Variants in RAP1A observed in about 807,000 individuals in gnomAD.
RAP1A encodes the protein ras-related protein Rap-1A.
A neutral mutation model predicts 26.4 loss-of-function variants in RAP1A; 6 were observed. The observed-to-expected ratio is 0.23, with a 90% confidence interval of 0.12 to 0.45. The LOEUF (loss-of-function observed/expected upper bound fraction) is 0.45. RAP1A is among the 20% of genes least tolerant of loss of function. RAP1A has a pLI of 0.99. For synonymous variants in RAP1A, 73 were observed against 79.4 expected (o/e 0.92, Z 0.43); for missense variants, 121 against 217.2 (o/e 0.56, Z 2.78).
intron 1 of RAP1A, among the ~76,000 whole-genome samples, chr1:111,612,213 C>T (rs1557865288): frequency 6.6e-6 from 1 of 152,140 alleles, no homozygotes; most frequent in African/African-American, 2.4e-5. Context: ...GGCCTTCTGC[C>T]TACACTGGGC....
At chr1:111,593,652 C>CTTTTTTTTTTT (rs994763442) in intron 1 of RAP1A, among the ~76,000 whole-genome samples, 4 of 65,406 alleles carry the variant, frequency 6.1e-5, no homozygotes, top group African/African-American at 1.9e-4. Context: ...ATGACTCCTA[C>CTTTTTTTTTTT]TTTTTTTTTT....
At chr1:111,567,783 T>C (rs1657955610) in intron 1 of RAP1A, among the ~76,000 whole-genome samples, 1 of 152,190 alleles carries the variant, frequency 6.6e-6, no homozygotes, top group Non-Finnish European at 1.5e-5. Context: ...TGCCAGAACA[T>C]ACTGACAAAG....
chr1:111,602,619 A>G (rs1329175448), intron 1 of RAP1A, among the ~76,000 whole-genome samples: 1 of 152,194 alleles, frequency 6.6e-6, no homozygotes, highest in East Asian at 1.9e-4. Flanking sequence ...ACAAACATCT[A>G]CTGCTCTAAC....
intron 1 of RAP1A, among the ~76,000 whole-genome samples, chr1:111,581,087 G>A (rs920053802): frequency 9.6e-6 from 1 of 104,280 alleles, no homozygotes; most frequent in African/African-American, 2.7e-5. Flanking sequence ...AGCTTTGCCT[G>A]GGCCCTTTAT....
intron 1 of RAP1A, among the ~76,000 whole-genome samples, chr1:111,674,375 C>A (rs1193824006): frequency 6.6e-6 from 1 of 151,852 alleles, no homozygotes; most frequent in Non-Finnish European, 1.5e-5. Flanking sequence ...CCTCACTCTA[C>A]CTTTTCAAAA....
chr1:111,602,005 G>A (rs1247059740), intron 1 of RAP1A, among the ~76,000 whole-genome samples: 2 of 152,156 alleles, frequency 1.3e-5, no homozygotes, highest in Non-Finnish European at 2.9e-5. Flanking sequence ...AAGCCATAGG[G>A]TTTCTTCCTC....
chr1:111,609,103 T>C (rs1357743662), intron 1 of RAP1A, among the ~76,000 whole-genome samples: 1 of 152,196 alleles, frequency 6.6e-6, no homozygotes, highest in Non-Finnish European at 1.5e-5. Flanking sequence ...TTTAGGCAAT[T>C]ACAGCTCAGA....
At chr1:111,679,106 C>T (rs753603874) in intron 1 of RAP1A, among the ~76,000 whole-genome samples, 4 of 152,006 alleles carry the variant, frequency 2.6e-5, no homozygotes, top group South Asian at 4.1e-4. Context: ...GTAAGATGGC[C>T]GAATAGGAAC....
At chr1:111,704,299 A>G (rs1662118514) in intron 5 of RAP1A, 44 bp from the exon 6 acceptor site, 2 of 1,593,834 alleles carry the variant, frequency 1.3e-6, no homozygotes, top group Non-Finnish European at 1.7e-6. Flanking sequence ...AAGGCTAAGT[A>G]ATGAGTATGT....
At chr1:111,638,402 T>C (rs1314536635) in intron 1 of RAP1A, among the ~76,000 whole-genome samples, 1 of 151,730 alleles carries the variant, frequency 6.6e-6, no homozygotes, top group Non-Finnish European at 1.5e-5. Context: ...ACTTTATATG[T>C]GCTGGTCTTT....
chr1:111,670,050 T>G lies in RAP1A; in HGVS notation c.-27-21284T>G, dbSNP rs571592283. On this transcript the variant is annotated intron_variant, in intron 1 of 7. Coordinates refer to ENST00000369709, the MANE Select transcript of RAP1A (RefSeq NM_002884.4). ...ATCCTTGAAGAGTGAAGCAAAGTTTTCAGATAAATAAAACTGGGAGTTTTT... is the reference window on the plus strand; with the variant it reads ...ATCCTTGAAGAGTGAAGCAAAGTTTGCAGATAAATAAAACTGGGAGTTTTT... Among the ~76,000 whole-genome samples the G allele has an allele frequency of 2.6e-5, 4 of 152,250 alleles. No homozygotes were observed. In the South Asian group the frequency reaches 8.3e-4, roughly 32 times the overall value.
intron 1 of RAP1A, among the ~76,000 whole-genome samples, chr1:111,668,874 A>G (rs1660881829): frequency 6.6e-6 from 1 of 151,958 alleles, no homozygotes; most frequent in Admixed American, 6.6e-5. Context: ...ACAAAAAAAT[A>G]CAAAAATTAG....
chr1:111,563,769 T>C (rs1271426711), intron 1 of RAP1A: 2 of 1,031,646 alleles, frequency 1.9e-6, no homozygotes, highest in Non-Finnish European at 1.5e-6. Context: ...CATGAATAAA[T>C]GTTCCAAAGT....
At chr1:111,543,700 A>C (rs1433879248) in intron 1 of RAP1A, among the ~76,000 whole-genome samples, 4 of 151,820 alleles carry the variant, frequency 2.6e-5, no homozygotes, top group African/African-American at 7.3e-5. Flanking sequence ...GGGGAGAGGG[A>C]GGGAGAAGAG....
chr1:111,639,794 C>T (rs570087531), intron 1 of RAP1A, among the ~76,000 whole-genome samples: 1 of 152,320 alleles, frequency 6.6e-6, no homozygotes, highest in African/African-American at 2.4e-5. Flanking sequence ...ATTGTCACCA[C>T]AGCCAGGTTA....
intron 3 of RAP1A, among the ~76,000 whole-genome samples, chr1:111,696,305 T>C (rs1383638236): frequency 6.6e-6 from 1 of 152,258 alleles, no homozygotes; most frequent in Non-Finnish European, 1.5e-5. Flanking sequence ...TTTTAGAATT[T>C]ACCTTTAATA....
intron 1 of RAP1A, among the ~76,000 whole-genome samples, chr1:111,562,591 C>T (rs1657783860): frequency 6.6e-6 from 1 of 152,222 alleles, no homozygotes; most frequent in African/African-American, 2.4e-5. Flanking sequence ...ACTTGTGTCC[C>T]ATAAACATCC....
intron 1 of RAP1A, among the ~76,000 whole-genome samples, chr1:111,685,108 C>T (rs190330457): frequency 5.1e-4 from 78 of 152,166 alleles, no homozygotes; most frequent in Non-Finnish European, 8.8e-4. Flanking sequence ...CCTTACACCT[C>T]ATATAAAAAT....
At chr1:111,559,255 C>T (rs953782269) in intron 1 of RAP1A, among the ~76,000 whole-genome samples, 1 of 152,048 alleles carries the variant, frequency 6.6e-6, no homozygotes, top group Admixed American at 6.5e-5. Flanking sequence ...ATAAGATAAT[C>T]AACTAACACA....
Sources: gnomAD v4.1 joint callset for allele counts (sites outside exome capture counted in the v4.1 genomes callset) on GRCh38, gnomAD v4.1.1 for gene constraint, MANE v1.5 for transcripts, NCBI Gene and HGNC (gene_info 2026-07-23, HGNC 2026-07-21) for gene names.